Variants in RYR2 observed in about 807,000 individuals in gnomAD.
The protein encoded by RYR2 is cardiac muscle ryanodine receptor-calcium release channel.
In RYR2, 227 loss-of-function variants were observed where a neutral mutation model predicts 601.1. That is an observed-to-expected ratio of 0.38 (90% CI 0.34 to 0.42). The LOEUF is 0.42. Among genes scored for constraint, RYR2 ranks in the 10% least tolerant of loss-of-function variants. The pLI is 1.00. For missense variants in RYR2, 4,646 were observed against 6,156.5 expected (o/e 0.75, Z 8.21); for synonymous variants, 2,223 against 2,175.1 (o/e 1.02, Z -0.61).
chr1:237,706,210 C>A (rs896438508), intron 67 of RYR2, among the ~76,000 whole-genome samples: 21 of 152,084 alleles, frequency 1.4e-4, no homozygotes, highest in Admixed American at 1.0e-3. Flanking sequence ...GACTGCGCCA[C>A]TGCACTCCAG....
intron 1 of RYR2, among the ~76,000 whole-genome samples, chr1:237,109,503 C>T (rs1452658529): frequency 6.6e-6 from 1 of 151,908 alleles, no homozygotes; most frequent in East Asian, 1.9e-4. Context: ...GCTTTCCATC[C>T]CTAAAACCAC....
intron 17 of RYR2, among the ~76,000 whole-genome samples, chr1:237,477,272 T>G (rs1037702427): frequency 4.6e-5 from 7 of 152,070 alleles, no homozygotes; most frequent in Non-Finnish European, 1.0e-4. Context: ...GCACCTGTAG[T>G]CCCTGCTACT....
intron 1 of RYR2, among the ~76,000 whole-genome samples, chr1:237,185,374 A>G (rs1679235608): frequency 6.6e-6 from 1 of 152,156 alleles, no homozygotes; most frequent in African/African-American, 2.4e-5. Context: ...TAACATATTT[A>G]GATCTTGGCA....
At chr1:237,150,031 T>C (rs1674537040) in intron 1 of RYR2, among the ~76,000 whole-genome samples, 1 of 152,240 alleles carries the variant, frequency 6.6e-6, no homozygotes, top group African/African-American at 2.4e-5. Flanking sequence ...GCAAGCAACA[T>C]TTACTGAGAA....
At chr1:237,723,459 A>C (rs1242909189) in intron 74 of RYR2, among the ~76,000 whole-genome samples, 197 bp downstream of exon 74, 1 of 152,142 alleles carries the variant, frequency 6.6e-6, no homozygotes, top group African/African-American at 2.4e-5. Flanking sequence ...AGCAATATAT[A>C]GATTATATAT....
chr1:237,323,543 A>C (rs539130107), intron 2 of RYR2, among the ~76,000 whole-genome samples: 6 of 152,208 alleles, frequency 3.9e-5, no homozygotes, highest in Admixed American at 2.0e-4. Flanking sequence ...AAATAATTGT[A>C]AAAATCAGAT....
At chr1:237,511,205 C>G (rs760795106) in intron 23 of RYR2, among the ~76,000 whole-genome samples, 13 of 148,430 alleles carry the variant, frequency 8.8e-5, no homozygotes, top group Non-Finnish European at 1.3e-4. Flanking sequence ...CAAAAGAGAC[C>G]AAAATCTTTG....
At chr1:237,289,710 A>G (rs1248500047) in intron 2 of RYR2, among the ~76,000 whole-genome samples, 2 of 152,230 alleles carry the variant, frequency 1.3e-5, no homozygotes, top group African/African-American at 2.4e-5. Context: ...CAGCCAAACC[A>G]TATCATACTT....
intron 1 of RYR2, among the ~76,000 whole-genome samples, chr1:237,124,812 C>T (rs1254979207): frequency 1.3e-5 from 2 of 152,256 alleles, no homozygotes; most frequent in African/African-American, 2.4e-5. Flanking sequence ...TGCCTGACCA[C>T]CCCCATCCCA....
At chr1:237,567,246 T>G (rs1672178723) in intron 28 of RYR2, among the ~76,000 whole-genome samples, 1 of 152,040 alleles carries the variant, frequency 6.6e-6, no homozygotes, top group African/African-American at 2.4e-5. Context: ...ATTTTGTTAT[T>G]TATATACTAA....
chr1:237,375,100 T>A (rs917489223), intron 7 of RYR2, among the ~76,000 whole-genome samples: 2 of 152,164 alleles, frequency 1.3e-5, no homozygotes, highest in Non-Finnish European at 2.9e-5. Flanking sequence ...ACTAATTAGT[T>A]TGTGAAGTAA....
intron 1 of RYR2, among the ~76,000 whole-genome samples, chr1:237,266,209 C>A (rs778767527): frequency 3.9e-5 from 6 of 152,040 alleles, no homozygotes; most frequent in Non-Finnish European, 7.4e-5. Context: ...TCGGAAGAGG[C>A]CTTATGACCC....
At chr1:237,410,870 C>G (rs367978156) in intron 10 of RYR2, among the ~76,000 whole-genome samples, 1 of 152,110 alleles carries the variant, frequency 6.6e-6, no homozygotes, top group African/African-American at 2.4e-5. Context: ...AAGAAGTATT[C>G]TTTTAATCTA....
rs192287844 is a variant in RYR2 at position 237,631,863 on chromosome 1, C to A, written c.6555+322C>A. Among the ~76,000 whole-genome samples the A allele has an allele frequency of 0.012, 949 of 76,054 alleles. 12 individuals are homozygous for A. Among genetic ancestry groups the A allele is most frequent in the East Asian group, 0.067 (255 of 3,812 alleles). The allele number at this position is 76,054 out of a possible 152,430, so 49.9% of individuals were successfully genotyped here. A position where few individuals can be genotyped will look rare whatever the true frequency, so the allele number is the denominator to read the frequency against. On this transcript the variant is annotated intron_variant, in intron 42 of 104. Coordinates refer to ENST00000366574, the MANE Select transcript of RYR2 (RefSeq NM_001035.3). ...CAGGATGGTCTCGATCTCCTGACCT[C>A]GTGATCCGCCCGCCTTGGCCTCCCC...
At chr1:237,683,621 G>A (rs970415042) in intron 62 of RYR2, among the ~76,000 whole-genome samples, 4 of 152,180 alleles carry the variant, frequency 2.6e-5, no homozygotes, top group Non-Finnish European at 5.9e-5. Context: ...GGAAAGGTAG[G>A]TTATATAGAT....
chr1:237,140,380 C>A (rs1301335705), intron 1 of RYR2, among the ~76,000 whole-genome samples: 2 of 152,146 alleles, frequency 1.3e-5, no homozygotes, highest in Non-Finnish European at 2.9e-5. Flanking sequence ...TAAGGCCATG[C>A]AAATTTATTA....
chr1:237,648,360 G>T (rs1031990461), intron 48 of RYR2, 84 bp from the exon 49 acceptor site: 5 of 1,177,154 alleles, frequency 4.2e-6, no homozygotes, highest in African/African-American at 1.6e-5. Flanking sequence ...TGTTTAAAAT[G>T]TAAGAAGTCT....
intron 14 of RYR2, among the ~76,000 whole-genome samples, chr1:237,453,254 A>C (rs1658418121): frequency 6.6e-6 from 1 of 152,088 alleles, no homozygotes; most frequent in South Asian, 2.1e-4. Flanking sequence ...AATTCTGTTC[A>C]TATATAATTG....
At chr1:237,270,696 T>A in intron 2 of RYR2, 80 bp downstream of exon 2, 3 of 1,442,146 alleles carry the variant, frequency 2.1e-6, no homozygotes, top group Non-Finnish European at 2.9e-6. Flanking sequence ...CTCTCTACTA[T>A]TTTCTGTGGA....
Sources: gnomAD v4.1 joint callset for allele counts (sites outside exome capture counted in the v4.1 genomes callset) on GRCh38, gnomAD v4.1.1 for gene constraint, MANE v1.5 for transcripts, NCBI Gene and HGNC (gene_info 2026-07-23, HGNC 2026-07-21) for gene names.